The following CSTA variants were observed in gnomAD, a reference collection of about 807,000 sequenced individuals.
CSTA encodes cystatin A.
Under a neutral mutation model 9.2 loss-of-function variants are expected in CSTA, and 9 were observed. The ratio of observed to expected loss-of-function variants is 0.97; its 90% CI spans 0.59 to 1.70. The LOEUF is 1.70. Ranked by LOEUF, CSTA falls within the 40% of genes most tolerant of loss-of-function variation. The probability of loss-of-function intolerance (pLI) is 0.00; values close to 1 mark genes in which losing one functional copy is unlikely to be tolerated. For synonymous variants in CSTA, 36 were observed against 40.6 expected, an observed-to-expected ratio of 0.89 and a Z score of 0.43; for missense variants, 118 against 113.1, an observed-to-expected ratio of 1.04 and a Z score of -0.20.
intron 1 of CSTA, among the ~76,000 whole-genome samples, chr3:122,332,928 C>A (rs2107666581): frequency 6.6e-6 from 1 of 152,198 alleles, no homozygotes; most frequent in East Asian, 1.9e-4. Context: ...TGACAAGCTC[C>A]CCTACTCTGC....
At chr3:122,333,646 G>T (rs147774049) in intron 1 of CSTA, among the ~76,000 whole-genome samples, 1 of 139,400 alleles carries the variant, frequency 7.2e-6, no homozygotes, top group African/African-American at 2.7e-5. Context: ...GGAAGGAAAA[G>T]GAAAGGAAAG....
At chr3:122,331,709 C>T (rs1388009876) in intron 1 of CSTA, among the ~76,000 whole-genome samples, 14 of 152,210 alleles carry the variant, frequency 9.2e-5, no homozygotes, top group Admixed American at 9.2e-4. Context: ...GCTGCCAGAA[C>T]ATTCTTGCAG....
intron 1 of CSTA, among the ~76,000 whole-genome samples, chr3:122,331,276 G>A (rs2075203452): frequency 6.6e-6 from 1 of 152,054 alleles, no homozygotes; most frequent in Admixed American, 6.6e-5. Context: ...AACTTAGCAT[G>A]TCATGGCTCT....
intron 1 of CSTA, among the ~76,000 whole-genome samples, chr3:122,336,602 G>A (rs2075238478): frequency 6.6e-6 from 1 of 152,128 alleles, no homozygotes; most frequent in Non-Finnish European, 1.5e-5. Flanking sequence ...AATCATTGTT[G>A]TAGGCAAGAA....
At chr3:122,340,874 C>T (rs1279718176) in intron 2 of CSTA, among the ~76,000 whole-genome samples, 1 of 151,914 alleles carries the variant, frequency 6.6e-6, no homozygotes, top group African/African-American at 2.4e-5. Context: ...TCCTTTGTGC[C>T]CAGATTATAC....
At chr3:122,330,374 G>C (rs2075197154) in intron 1 of CSTA, among the ~76,000 whole-genome samples, 1 of 152,080 alleles carries the variant, frequency 6.6e-6, no homozygotes, top group Non-Finnish European at 1.5e-5. Flanking sequence ...AGGAGAGAAA[G>C]AAGGAAGAAA....
chr3:122,340,407 C>G (rs1416145997), intron 2 of CSTA, among the ~76,000 whole-genome samples: 3 of 151,982 alleles, frequency 2.0e-5, no homozygotes, highest in African/African-American at 7.3e-5. Context: ...CGGATTCAAG[C>G]GATTCTCCTG....
At chr3:122,328,358 C>T (rs931365398) in intron 1 of CSTA, among the ~76,000 whole-genome samples, 33 of 151,304 alleles carry the variant, frequency 2.2e-4, no homozygotes, top group African/African-American at 7.3e-4. Flanking sequence ...AAAATTAGCC[C>T]GGCGTGGTGG....
chr3:122,341,340 T>G, intron 2 of CSTA, 99 bp from the exon 3 acceptor site: 1 of 1,333,530 alleles, frequency 7.5e-7, no homozygotes, highest in Non-Finnish European at 1.1e-6. Context: ...CTCAGCAGCT[T>G]TTTGGACAGA....
At chr3:122,328,611 G>A (rs2075183953) in intron 1 of CSTA, among the ~76,000 whole-genome samples, 1 of 151,848 alleles carries the variant, frequency 6.6e-6, no homozygotes, top group Admixed American at 6.6e-5. Context: ...AGCTTTGTTA[G>A]GAAACGGAAA....
At chr3:122,328,965 T>G (rs1279416096) in intron 1 of CSTA, among the ~76,000 whole-genome samples, 1 of 148,946 alleles carries the variant, frequency 6.7e-6, no homozygotes, top group Admixed American at 6.8e-5. Context: ...AATTAAAAAT[T>G]TAAAATTTAA....
At position 122,330,865 on chromosome 3, in the gene CSTA, A is replaced by T. The variant is rs544614483; in HGVS notation, c.66+5507A>T. Among the ~76,000 whole-genome samples the T allele has an allele frequency of 3.3e-5, 5 of 152,280 alleles. No homozygotes were observed. In the South Asian group the frequency reaches 1.0e-3, roughly 32 times the overall value. ...AGCTAAGAGGGACACATCCAGAAAG[A>T]CAGAGCCATACACAGGCCCATTCAT... On this transcript the variant is annotated intron_variant, in intron 1 of 2. Coordinates refer to ENST00000264474, the MANE Select transcript of CSTA (RefSeq NM_005213.4).
At chr3:122,329,344 C>T (rs528203320) in intron 1 of CSTA, among the ~76,000 whole-genome samples, 3 of 152,210 alleles carry the variant, frequency 2.0e-5, no homozygotes, top group South Asian at 4.1e-4. Context: ...AAGGCAGAAG[C>T]GGGCAGATTG....
intron 1 of CSTA, among the ~76,000 whole-genome samples, chr3:122,337,109 G>A (rs1448362503): frequency 6.6e-6 from 1 of 152,094 alleles, no homozygotes; most frequent in Non-Finnish European, 1.5e-5. Context: ...CCTCATTTTG[G>A]TGATTATACT....
chr3:122,341,600 A>G lies in CSTA; in HGVS notation c.*33A>G, dbSNP rs777254078. 4.5e-5 allele frequency: 72 copies of G among 1,613,482 alleles called. 1 individual carries two copies. Among genetic ancestry groups the G allele is most frequent in the African/African-American group, 4.0e-5 (3 of 74,906 alleles). On this transcript the variant is annotated 3_prime_UTR_variant, in exon 3 of 3. Coordinates refer to ENST00000264474, the MANE Select transcript of CSTA (RefSeq NM_005213.4). ...TACCCAAAGTGTTCTGATTCCTTCAACTGGCTACTGAGTCATGATCCTTGC... is the reference window on the plus strand; with the variant it reads ...TACCCAAAGTGTTCTGATTCCTTCAGCTGGCTACTGAGTCATGATCCTTGC...
At chr3:122,327,608 T>A (rs2075178702) in intron 1 of CSTA, among the ~76,000 whole-genome samples, 1 of 148,850 alleles carries the variant, frequency 6.7e-6, no homozygotes. Context: ...AGGTAACACC[T>A]CTTGCCCTAC....
intron 1 of CSTA, among the ~76,000 whole-genome samples, chr3:122,336,037 G>A (rs2075235624): frequency 1.3e-5 from 2 of 151,586 alleles, no homozygotes; most frequent in Admixed American, 6.6e-5. Context: ...ATGACACACA[G>A]ATAAATGTGT....
rs779737918 is a variant in CSTA at position 122,341,417 on chromosome 3, C to A, written c.169-22C>A. On this transcript the variant is annotated intron_variant, in intron 2 of 2. Coordinates refer to ENST00000264474, the MANE Select transcript of CSTA (RefSeq NM_005213.4). Reference sequence around the variant, plus strand: ...ATTTGAATGAATCTCCTTTTGCTTTCTCTTTCTTTAATATTTTTCAGGTAC... The same window carrying A: ...ATTTGAATGAATCTCCTTTTGCTTTATCTTTCTTTAATATTTTTCAGGTAC... The A allele has an allele frequency of 2.0e-5, 32 of 1,613,120 alleles. No homozygotes were observed. In the East Asian group the frequency reaches 6.5e-4, roughly 33 times the overall value.
chr3:122,341,542 A>G lies in CSTA; in HGVS notation c.272A>G (p.Lys91Arg). ...VLTGYQVDKN[K>R]DDELTGF is the part of the protein sequence containing the mutation. ...ACTGGATACCAGGTTGACAAAAACAAGGATGACGAGCTGACGGGCTTTTAG... is the reference window on the plus strand; with the variant it reads ...ACTGGATACCAGGTTGACAAAAACAGGGATGACGAGCTGACGGGCTTTTAG... The change falls in exon 3 of 3, where the codon AAG becomes AGG. Residue 91 changes from lysine to arginine, a missense_variant. Coordinates refer to ENST00000264474, the MANE Select transcript of CSTA (RefSeq NM_005213.4). 6.2e-7 allele frequency: 1 copy of G among 1,614,198 alleles called. No individual in the cohort carries two copies. Among genetic ancestry groups the G allele is most frequent in the Non-Finnish European group, 8.5e-7 (1 of 1,180,022 alleles).
Sources: allele counts gnomAD v4.1 joint callset (sites outside exome capture counted in the v4.1 genomes callset), GRCh38; gene constraint gnomAD v4.1.1; transcripts MANE v1.5; gene names NCBI Gene and HGNC (gene_info 2026-07-23, HGNC 2026-07-21).